Variants in SPAG16 observed in about 807,000 individuals in gnomAD.
SPAG16 encodes sperm associated antigen 16.
Under a neutral mutation model 80.4 loss-of-function variants are expected in SPAG16, and 86 were observed. That is an observed-to-expected ratio of 1.07 (90% CI 0.90 to 1.28). SPAG16 has a LOEUF of 1.28. Among genes scored for constraint, SPAG16 ranks in the 50% most tolerant of loss-of-function variants. SPAG16 has a pLI of 0.00. For missense variants in SPAG16, 870 were observed against 765.3 expected (o/e 1.14, Z -1.61); for synonymous variants, 294 against 265.9 (o/e 1.11, Z -1.03).
rs1200346335 is a variant in SPAG16, at chr2:213,350,569, T to G, written c.686T>G (p.Val229Gly). Reference sequence around the variant, plus strand: ...GCATCTTATGAACCGACTATAAGGGTGTTACATGAGAAACACCACACTTTA... The same window carrying G: ...GCATCTTATGAACCGACTATAAGGGGGTTACATGAGAAACACCACACTTTA... ...HYASYEPTIR[V>G]LHEKHHTLLK... The change falls in exon 7 of 16, where the codon GTG becomes GGG. Residue 229 changes from valine (V) to glycine (G), a missense_variant. Physicochemically the swap from Val to Gly is moderately radical, Grantham distance 109. Coordinates refer to ENST00000331683, the MANE Select transcript of SPAG16 (RefSeq NM_024532.5). 3 of 1,599,874 alleles carry G rather than the reference T, an allele frequency of 1.9e-6. No homozygotes were observed. The highest frequency in any genetic ancestry group is 1.8e-5 in the Admixed American group (1 of 56,122).
At chr2:213,452,218 C>G (rs1254918982) in intron 9 of SPAG16, among the ~76,000 whole-genome samples, 1 of 152,104 alleles carries the variant, frequency 6.6e-6, no homozygotes, top group Non-Finnish European at 1.5e-5. Flanking sequence ...GGAGCAATTT[C>G]TGAGCTGCTT....
At chr2:213,720,609 G>T (rs2125392875) in intron 10 of SPAG16, among the ~76,000 whole-genome samples, 1 of 150,988 alleles carries the variant, frequency 6.6e-6, no homozygotes, top group South Asian at 2.1e-4. Context: ...CTGCACTCCA[G>T]CCTGGGCGAC....
At chr2:213,650,645 C>T (rs1178341064) in intron 10 of SPAG16, among the ~76,000 whole-genome samples, 1 of 152,200 alleles carries the variant, frequency 6.6e-6, no homozygotes, top group Non-Finnish European at 1.5e-5. Flanking sequence ...TGCAATCAGT[C>T]ATGTGGTTGC....
intron 10 of SPAG16, among the ~76,000 whole-genome samples, chr2:213,582,107 C>T (rs978732748): frequency 6.6e-6 from 1 of 151,966 alleles, no homozygotes; most frequent in Non-Finnish European, 1.5e-5. Flanking sequence ...ATTTAATTTA[C>T]AATATAAACA....
At chr2:213,714,916 T>C (rs2066164264) in intron 10 of SPAG16, among the ~76,000 whole-genome samples, 1 of 152,154 alleles carries the variant, frequency 6.6e-6, no homozygotes, top group South Asian at 2.1e-4. Context: ...TAGGTTTGAA[T>C]GGAGAGAGGG....
At chr2:213,408,342 A>G (rs187438153) in intron 9 of SPAG16, among the ~76,000 whole-genome samples, 1 of 152,222 alleles carries the variant, frequency 6.6e-6, no homozygotes, top group Non-Finnish European at 1.5e-5. Flanking sequence ...GGCCAAATGC[A>G]TTCAATCTGT....
chr2:213,922,769 C>T (rs2078283121), intron 11 of SPAG16, among the ~76,000 whole-genome samples: 1 of 151,592 alleles, frequency 6.6e-6, no homozygotes, highest in Non-Finnish European at 1.5e-5. Context: ...GGTTGACTGG[C>T]TTTGATTCTA....
At chr2:213,544,098 G>C (rs1033734708) in intron 10 of SPAG16, among the ~76,000 whole-genome samples, 1 of 149,164 alleles carries the variant, frequency 6.7e-6, no homozygotes, top group Non-Finnish European at 1.5e-5. Context: ...CTATTGTACT[G>C]GCTTTCTGAT....
intron 15 of SPAG16, among the ~76,000 whole-genome samples, chr2:214,321,412 G>A (rs1404753133): frequency 6.6e-6 from 1 of 151,884 alleles, no homozygotes; most frequent in African/African-American, 2.4e-5. Flanking sequence ...AACATTCTTT[G>A]CTGATGTTAA....
chr2:213,786,697 G>T (rs894944900), intron 10 of SPAG16, among the ~76,000 whole-genome samples: 4 of 152,064 alleles, frequency 2.6e-5, no homozygotes, highest in Non-Finnish European at 5.9e-5. Context: ...AATAATAGTT[G>T]ACTAAGAGCT....
intron 10 of SPAG16, among the ~76,000 whole-genome samples, chr2:213,528,576 G>A (rs2075966309): frequency 6.6e-6 from 1 of 152,052 alleles, no homozygotes; most frequent in Non-Finnish European, 1.5e-5. Context: ...AAAACCAGAA[G>A]TGACTTGTTA....
rs376902010 is a variant in SPAG16 at position 213,659,306 on chromosome 2, T to TG, written c.1070+169216_1070+169217insG. ...TCTACCAGTATTCTGATTCCACAGA[T>TG]ATTCTAAGGTAGGGGCCAATCATCT... On this transcript the variant is annotated intron_variant, in intron 10 of 15. Transcript: ENST00000331683. 1.7e-3 allele frequency among the ~76,000 whole-genome samples: 256 copies of TG among 147,624 alleles called. 1 individual carries two copies. Among genetic ancestry groups the TG allele is most frequent in the African/African-American group, 6.3e-3 (249 of 39,744 alleles).
chr2:213,653,923 G>A (rs934484322), intron 10 of SPAG16, among the ~76,000 whole-genome samples: 2 of 151,934 alleles, frequency 1.3e-5, no homozygotes, highest in African/African-American at 2.4e-5. Flanking sequence ...AAATGCTTAA[G>A]CCTTACTTAA....
intron 5 of SPAG16, among the ~76,000 whole-genome samples, chr2:213,336,474 C>CT (rs1337215082): frequency 6.6e-6 from 1 of 152,188 alleles, no homozygotes; most frequent in African/African-American, 2.4e-5. Flanking sequence ...CAGAGACTGC[C>CT]TAGGAAGACT....
At chr2:213,328,833 C>T (rs13431580) in intron 5 of SPAG16, among the ~76,000 whole-genome samples, 29,555 of 152,018 alleles carry the variant, frequency 0.19, 3,781 homozygotes, top group Non-Finnish European at 0.29. Context: ...GCTGTGTCCC[C>T]ACCCAAATCT....
intron 10 of SPAG16, among the ~76,000 whole-genome samples, chr2:213,492,941 T>C (rs1304404527): frequency 6.6e-6 from 1 of 152,196 alleles, no homozygotes; most frequent in Non-Finnish European, 1.5e-5. Context: ...AAGGCAGTTA[T>C]TATTTTTCTC....
In SPAG16 at chr2:213,399,059, A is replaced by G. The variant is rs568638716; in HGVS notation, c.942+23940A>G. Among the ~76,000 whole-genome samples the G allele has an allele frequency of 6.6e-5, 10 of 152,228 alleles. 1 individual carries two copies. The highest frequency in any genetic ancestry group is 2.4e-4 in the African/African-American group (10 of 41,572). ...TTTGGGAATTTTCTTTGTAAGTAGT[A>G]TCATCTGTGAAAAATAATAGTTGTG... On this transcript the variant is annotated intron_variant, in intron 9 of 15. Coordinates refer to ENST00000331683, the MANE Select transcript of SPAG16 (RefSeq NM_024532.5).
At chr2:213,810,089 A>G (rs1406747549) in intron 10 of SPAG16, among the ~76,000 whole-genome samples, 2 of 152,200 alleles carry the variant, frequency 1.3e-5, no homozygotes, top group Admixed American at 6.6e-5. Flanking sequence ...AAGAAGTTCC[A>G]TGGATCAGAA....
At chr2:213,319,051 A>G (rs1387250328) in intron 5 of SPAG16, among the ~76,000 whole-genome samples, 1 of 152,008 alleles carries the variant, frequency 6.6e-6, no homozygotes, top group Admixed American at 6.6e-5. Context: ...GAATGTGTGA[A>G]TGCATTAACT....
Sources: allele counts gnomAD v4.1 joint callset (sites outside exome capture counted in the v4.1 genomes callset), GRCh38; gene constraint gnomAD v4.1.1; transcripts MANE v1.5; gene names NCBI Gene and HGNC (gene_info 2026-07-23, HGNC 2026-07-21).